HDGFL3: variants seen among roughly 807,000 people sequenced by gnomAD.
The protein encoded by HDGFL3 is hepatoma-derived growth factor-related protein 3.
In HDGFL3, 6 loss-of-function variants were observed where a neutral mutation model predicts 27.6. The observed-to-expected ratio is 0.22, with a 90% confidence interval of 0.12 to 0.43. The LOEUF is 0.43. Ranked by LOEUF, HDGFL3 falls within the 20% of genes least tolerant of loss-of-function variation. The probability of loss-of-function intolerance (pLI) is 1.00; values close to 1 mark genes in which losing one functional copy is unlikely to be tolerated. For synonymous variants in HDGFL3, 88 were observed against 88.9 expected (o/e 0.99, Z 0.05); for missense variants, 207 against 250.1 (o/e 0.83, Z 1.16).
intron 4 of HDGFL3, among the ~76,000 whole-genome samples, chr15:83,156,072 A>C (rs1439645542): frequency 6.6e-6 from 1 of 152,176 alleles, no homozygotes; most frequent in Non-Finnish European, 1.5e-5. Context: ...TATGGCCTAC[A>C]AGTCTGCATA....
At chr15:83,202,486 A>G (rs1214831055) in intron 1 of HDGFL3, among the ~76,000 whole-genome samples, 1 of 152,010 alleles carries the variant, frequency 6.6e-6, no homozygotes, top group Non-Finnish European at 1.5e-5. Flanking sequence ...AAAGTAGAAA[A>G]TGAAGTTTCT....
At chr15:83,126,001 A>G (rs1460842345), downstream of HDGFL3, among the ~76,000 whole-genome samples, 3 of 152,208 alleles carry the variant, frequency 2.0e-5, no homozygotes, top group African/African-American at 7.2e-5. Flanking sequence ...CTTAAAGTTC[A>G]AACAACAAAA....
Position 83,158,041 on chromosome 15 carries a change from A to G in HDGFL3, c.162T>C (p.Thr54=). 1.3e-6 allele frequency: 2 copies of G among 1,598,928 alleles called. No homozygotes were observed. The highest frequency in any genetic ancestry group is 1.4e-5 in the African/African-American group (1 of 73,938). ...AAAGGTCTTTGGGACCTAGAAATGC[A>G]CTGCAGAGACATATTAGAAATAGAA... ...YPIFFFGTHE[T]AFLGPKDLFP... Residue 54 remains threonine, a splice_region_variant and synonymous_variant, in exon 3 of 6, where the codon ACT becomes ACC. Transcript: ENST00000299633.
At chr15:83,204,515 T>C (rs2037693812) in intron 1 of HDGFL3, among the ~76,000 whole-genome samples, 1 of 152,156 alleles carries the variant, frequency 6.6e-6, no homozygotes, top group South Asian at 2.1e-4. Context: ...TAGAATGAAA[T>C]TTAATTGTAG....
rs2036602839 is a variant in HDGFL3 at position 83,136,333 on chromosome 15, C to T, written c.*2937G>A. 4 of 524,724 alleles carry T rather than the reference C, an allele frequency of 7.6e-6. No individual in the cohort carries two copies. The highest frequency in any genetic ancestry group is 1.3e-5 in the Non-Finnish European group (4 of 305,284). 32.5% of individuals were successfully genotyped at this position (524,724 alleles called of 1,614,324 possible). On this transcript the variant is annotated 3_prime_UTR_variant, in exon 6 of 6. Coordinates refer to ENST00000299633, the MANE Select transcript of HDGFL3 (RefSeq NM_016073.4). ...TAATGAAAGACTCTGACATTAAAGA[C>T]TCTGGATTGTTTGAAGGTATTTTGC...
rs2034325423 is a variant in HDGFL3, at chr15:83,112,968, T to C, written c.*2741A>G. On this transcript the variant is annotated 3_prime_UTR_variant, in exon 4 of 4. Transcript: ENST00000568294. ...CACAATACTTTCAGCCTCAGTCACA[T>C]ATTCCTCCTTGGTTGTGAATACTCT... 5.4e-6 allele frequency: 7 copies of C among 1,291,840 alleles called. No individual in the cohort carries two copies. The South Asian group carries it at 8.3e-5, about 15-fold the overall frequency. 80.0% of individuals were successfully genotyped at this position (1,291,840 alleles called of 1,614,324 possible).
intron 2 of HDGFL3, among the ~76,000 whole-genome samples, chr15:83,161,990 C>A (rs1291543742): frequency 6.6e-6 from 1 of 152,158 alleles, no homozygotes; most frequent in African/African-American, 2.4e-5. Flanking sequence ...AGAATTAGAA[C>A]AGATTCAAAG....
downstream of HDGFL3, among the ~76,000 whole-genome samples, chr15:83,123,881 T>C (rs909919543): frequency 2.6e-5 from 4 of 152,260 alleles, no homozygotes; most frequent in Admixed American, 1.3e-4. Context: ...CAAGCAGGCA[T>C]TGTCATACAG....
chr15:83,136,699 T>C lies in HDGFL3; in HGVS notation c.*2571A>G, dbSNP rs539584765. 4.5e-6 allele frequency: 7 copies of C among 1,564,346 alleles called. No homozygotes were observed. In the African/African-American group the frequency reaches 9.6e-5, roughly 22 times the overall value. On this transcript the variant is annotated 3_prime_UTR_variant, in exon 6 of 6. Coordinates refer to ENST00000299633, the MANE Select transcript of HDGFL3 (RefSeq NM_016073.4). ...AATATTACTTCATGTTCCTCCTTTCTAAATTACTAACTTTTGTTATACTGG... is the reference window on the plus strand; with the variant it reads ...AATATTACTTCATGTTCCTCCTTTCCAAATTACTAACTTTTGTTATACTGG...
At chr15:83,203,775 T>C (rs2037681446) in intron 1 of HDGFL3, among the ~76,000 whole-genome samples, 2 of 151,560 alleles carry the variant, frequency 1.3e-5, no homozygotes, top group Non-Finnish European at 2.9e-5. Context: ...GTTTTCATCA[T>C]GTCATCCCTT....
chr15:83,126,427 G>T (rs988228830), downstream of HDGFL3, among the ~76,000 whole-genome samples: 9 of 152,108 alleles, frequency 5.9e-5, no homozygotes, highest in South Asian at 2.1e-4. Context: ...AGGGAATAGG[G>T]GGCTAGTTAT....
intron 1 of HDGFL3, among the ~76,000 whole-genome samples, chr15:83,187,340 T>TTGTG (rs542855423): frequency 1.1e-4 from 17 of 151,412 alleles, no homozygotes; most frequent in African/African-American, 3.9e-4. Flanking sequence ...AGTTTTTTTT[T>TTGTG]TGTGTGTGTG....
At chr15:83,202,983 T>C (rs1425803148) in intron 1 of HDGFL3, among the ~76,000 whole-genome samples, 1 of 152,106 alleles carries the variant, frequency 6.6e-6, no homozygotes, top group Non-Finnish European at 1.5e-5. Context: ...TACAGTATTT[T>C]GGTGAATATA....
At chr15:83,167,667 C>T (rs1199873762) in intron 1 of HDGFL3, among the ~76,000 whole-genome samples, 3 of 152,058 alleles carry the variant, frequency 2.0e-5, no homozygotes, top group Non-Finnish European at 4.4e-5. Context: ...CATTGGAGCA[C>T]CCAGATTCGT....
rs766372255 is a variant in HDGFL3 at position 83,198,054 on chromosome 15, C to CAAAAAAAAAAAAAAAAA, written c.84+9260_84+9276dup. 1.5e-3 allele frequency among the ~76,000 whole-genome samples: 89 copies of CAAAAAAAAAAAAAAAAA among 57,564 alleles called. 5 individuals are homozygous for CAAAAAAAAAAAAAAAAA. The highest frequency in any genetic ancestry group is 6.5e-3 in the African/African-American group (68 of 10,440). 37.8% of individuals were successfully genotyped at this position (57,564 alleles called of 152,430 possible). On this transcript the variant is annotated intron_variant, in intron 1 of 5. Coordinates refer to ENST00000299633, the MANE Select transcript of HDGFL3 (RefSeq NM_016073.4). ...GGGGTGACAGAGAGAGACTCCGTCT[C>CAAAAAAAAAAAAAAAAA]AAAAAAAAAAAAAAAAAAAAGAAGC...
intron 5 of HDGFL3, among the ~76,000 whole-genome samples, chr15:83,145,483 C>T (rs1181313344): frequency 1.3e-5 from 2 of 152,142 alleles, no homozygotes; most frequent in Non-Finnish European, 2.9e-5. Flanking sequence ...GCTCTGTTCT[C>T]TCCCACAGCT....
chr15:83,194,789 G>A (rs1220206621), intron 1 of HDGFL3, among the ~76,000 whole-genome samples: 1 of 152,124 alleles, frequency 6.6e-6, no homozygotes, highest in Non-Finnish European at 1.5e-5. Flanking sequence ...TACTTGCTCT[G>A]TAACTGAGCA....
At chr15:83,162,718 A>C (rs1361024918) in intron 2 of HDGFL3, among the ~76,000 whole-genome samples, 1 of 152,210 alleles carries the variant, frequency 6.6e-6, no homozygotes. Flanking sequence ...CTCTCTTTCA[A>C]GACAAGAATG....
chr15:83,152,799 G>C (rs903268248), intron 4 of HDGFL3, among the ~76,000 whole-genome samples: 1 of 151,718 alleles, frequency 6.6e-6, no homozygotes, highest in African/African-American at 2.4e-5. Flanking sequence ...CAAAATGTCA[G>C]TTTAAAATGT....
Sources: allele counts gnomAD v4.1 joint callset (sites outside exome capture counted in the v4.1 genomes callset), GRCh38; gene constraint gnomAD v4.1.1; transcripts MANE v1.5; gene names NCBI Gene and HGNC (gene_info 2026-07-23, HGNC 2026-07-21).